The following MAPRE2 variants were observed in gnomAD, a reference collection of about 807,000 sequenced individuals.
MAPRE2 encodes microtubule-associated protein RP/EB family member 2.
In MAPRE2, 13 loss-of-function variants were observed where a neutral mutation model predicts 43.2. The observed-to-expected ratio is 0.30, with a 90% CI of 0.20 to 0.48. The LOEUF is 0.48. Ranked by LOEUF, MAPRE2 falls within the 20% of genes least tolerant of loss-of-function variation. The pLI, the probability that MAPRE2 is intolerant of heterozygous loss-of-function variation, is 0.99. For synonymous variants in MAPRE2, 135 were observed against 148.8 expected, an observed-to-expected ratio of 0.91 and a Z score of 0.68; for missense variants, 161 against 400.2, an observed-to-expected ratio of 0.40 and a Z score of 5.10.
At chr18:35,009,593 T>A (rs757360462) in intron 2 of MAPRE2, among the ~76,000 whole-genome samples, 11 of 152,212 alleles carry the variant, frequency 7.2e-5, no homozygotes, top group African/African-American at 1.2e-4. Flanking sequence ...AAGTTTCTTG[T>A]AATTGCACTT....
chr18:35,098,304 A>T (rs1170296973), intron 3 of MAPRE2, among the ~76,000 whole-genome samples: 3 of 152,212 alleles, frequency 2.0e-5, no homozygotes, highest in African/African-American at 7.2e-5. Flanking sequence ...GCTTGGAAAG[A>T]AATGAATTTT....
At position 35,132,012 on chromosome 18, in the gene MAPRE2, T is replaced by G. The variant is rs1233754103; in HGVS notation, c.751-20T>G. 1 of 1,612,140 alleles carries G rather than the reference T, an allele frequency of 6.2e-7. No homozygotes were observed. The highest frequency in any genetic ancestry group is 1.7e-5 in the Admixed American group (1 of 59,648). ...CTATATTTTGGGTGGTTTTTTTTCT[T>G]CACTCTCACTCCCTTGCAGGTACAT... is the stretch of plus-strand genomic sequence containing the variant. On this transcript the variant is annotated intron_variant, in intron 5 of 6. Transcript: ENST00000300249.
In MAPRE2 at chr18:35,115,556, C is replaced by T. The variant is rs143694129; in HGVS notation, c.611-11392C>T. ...CCACCCCCGAATCCCCAAAGTCTGT[C>T]ATATCACTCTTATGCCTTTGCATCC... On this transcript the variant is annotated intron_variant, in intron 4 of 6. Transcript: ENST00000300249. 5.3e-5 allele frequency among the ~76,000 whole-genome samples: 8 copies of T among 152,228 alleles called. No homozygotes were observed. In the East Asian group the frequency reaches 1.5e-3, roughly 29 times the overall value.
At chr18:35,107,842 T>C (rs1908980049) in intron 4 of MAPRE2, among the ~76,000 whole-genome samples, 1 of 152,142 alleles carries the variant, frequency 6.6e-6, no homozygotes, top group African/African-American at 2.4e-5. Flanking sequence ...TAACATTTGC[T>C]GCAGAGTCTG....
chr18:35,128,821 C>T (rs1910017501), intron 5 of MAPRE2, among the ~76,000 whole-genome samples: 2 of 152,182 alleles, frequency 1.3e-5, no homozygotes. Flanking sequence ...CAGTGTCCCA[C>T]CTCTCCAGCC....
chr18:35,063,283 A>G lies in MAPRE2; in HGVS notation c.123-6912A>G, dbSNP rs201265964. Among the ~76,000 whole-genome samples the G allele has an allele frequency of 6.0e-5, 9 of 150,990 alleles. No homozygotes were observed. In the South Asian group the frequency reaches 8.4e-4, roughly 14 times the overall value. ...CACGCCTGGCTAATTTTTTTTTTGT[A>G]TTTTTAGTAGAGATGGGGTTTCACC... On this transcript the variant is annotated intron_variant, in intron 1 of 6. Coordinates refer to ENST00000300249, the MANE Select transcript of MAPRE2 (RefSeq NM_014268.4).
chr18:34,979,507 A>C (rs2150568123), intron 1 of MAPRE2, among the ~76,000 whole-genome samples: 1 of 151,644 alleles, frequency 6.6e-6, no homozygotes, highest in East Asian at 2.0e-4. Context: ...GTTTCATATA[A>C]TGCTCTCTTC....
intron 1 of MAPRE2, among the ~76,000 whole-genome samples, chr18:35,068,456 A>G (rs1906944262): frequency 6.6e-6 from 1 of 152,230 alleles, no homozygotes; most frequent in African/African-American, 2.4e-5. Flanking sequence ...GCTTTTATCA[A>G]TAAAGGTATA....
chr18:35,001,421 C>T (rs925701503), intron 1 of MAPRE2, among the ~76,000 whole-genome samples: 6 of 151,000 alleles, frequency 4.0e-5, no homozygotes, highest in Non-Finnish European at 5.9e-5. Flanking sequence ...GGTTGAGGCA[C>T]GAGAATCGCT....
chr18:35,073,496 T>C (rs1237370671), intron 2 of MAPRE2, among the ~76,000 whole-genome samples: 2 of 152,182 alleles, frequency 1.3e-5, no homozygotes, highest in Non-Finnish European at 2.9e-5. Context: ...CTGTGTGGGA[T>C]TTTATTTTAG....
At chr18:35,063,387 G>A (rs959291474) in intron 1 of MAPRE2, among the ~76,000 whole-genome samples, 2 of 151,988 alleles carry the variant, frequency 1.3e-5, no homozygotes, top group Non-Finnish European at 2.9e-5. Flanking sequence ...GATTACAGGC[G>A]TGAGCCACTG....
chr18:35,109,855 C>T lies in MAPRE2; in HGVS notation c.610+7696C>T, dbSNP rs1006705114. ...TTGATTTGGTTGGATTTAGAGCTACCGCATTATCATTTGTTTTCTGTTTGT... is the reference window on the plus strand; with the variant it reads ...TTGATTTGGTTGGATTTAGAGCTACTGCATTATCATTTGTTTTCTGTTTGT... On this transcript the variant is annotated intron_variant, in intron 4 of 6. Coordinates refer to ENST00000300249, the MANE Select transcript of MAPRE2 (RefSeq NM_014268.4). Among the ~76,000 whole-genome samples the T allele has an allele frequency of 9.9e-5, 15 of 152,124 alleles. 1 individual carries two copies. Among genetic ancestry groups the T allele is most frequent in the Admixed American group, 3.9e-4 (6 of 15,276 alleles).
chr18:35,025,246 G>A (rs2097044412), intron 2 of MAPRE2, among the ~76,000 whole-genome samples: 1 of 152,188 alleles, frequency 6.6e-6, no homozygotes, highest in Non-Finnish European at 1.5e-5. Context: ...ACCCAGAGTT[G>A]AGTGTTTTGC....
chr18:35,044,274 A>G (rs917351891), intron 1 of MAPRE2, among the ~76,000 whole-genome samples: 4 of 152,202 alleles, frequency 2.6e-5, no homozygotes, highest in African/African-American at 7.2e-5. Flanking sequence ...CTTGTTGCCC[A>G]GGCTGGCATG....
At chr18:34,992,346 A>C (rs956886978) in intron 1 of MAPRE2, among the ~76,000 whole-genome samples, 4 of 152,232 alleles carry the variant, frequency 2.6e-5, no homozygotes, top group African/African-American at 9.6e-5. Context: ...ATCTTCACTC[A>C]AAACTTTTGC....
intron 1 of MAPRE2, chr18:34,978,511 CTG>C (rs1266773982): frequency 6.4e-7 from 1 of 1,551,570 alleles, no homozygotes; most frequent in Non-Finnish European, 8.7e-7. Flanking sequence ...GAATAGGACA[CTG>C]TGGAATGAAA....
At chr18:35,067,201 A>C (rs922617217) in intron 1 of MAPRE2, among the ~76,000 whole-genome samples, 16 of 152,216 alleles carry the variant, frequency 1.1e-4, no homozygotes, top group Non-Finnish European at 1.8e-4. Context: ...GAATTTTTCT[A>C]AAGCCCAGAT....
chr18:35,047,726 A>AC (rs1268319987), intron 1 of MAPRE2, among the ~76,000 whole-genome samples: 5 of 152,008 alleles, frequency 3.3e-5, no homozygotes, highest in Admixed American at 2.0e-4. Context: ...TAAAAAAAAA[A>AC]AAAAAACACT....
intron 2 of MAPRE2, among the ~76,000 whole-genome samples, chr18:35,074,483 T>C (rs1907249986): frequency 6.6e-6 from 1 of 151,302 alleles, no homozygotes; most frequent in Non-Finnish European, 1.5e-5. Flanking sequence ...GAGGGAGGAG[T>C]AGGGTGGAGT....
Sources: allele counts gnomAD v4.1 joint callset (sites outside exome capture counted in the v4.1 genomes callset), GRCh38; gene constraint gnomAD v4.1.1; transcripts MANE v1.5; gene names NCBI Gene and HGNC (gene_info 2026-07-23, HGNC 2026-07-21).